The following GRM1 variants were observed in gnomAD, a reference collection of about 807,000 sequenced individuals.
The protein encoded by GRM1 is metabotropic glutamate receptor 1.
Under a neutral mutation model 90.9 loss-of-function variants are expected in GRM1, and 33 were observed. The observed-to-expected ratio is 0.36, with a 90% CI of 0.28 to 0.49. The LOEUF is 0.49. GRM1 is among the 20% of genes least tolerant of loss of function. GRM1 has a pLI of 0.99. For synonymous variants in GRM1, 700 were observed against 613.2 expected (o/e 1.14, Z -2.09); for missense variants, 1,190 against 1,534.3 (o/e 0.78, Z 3.75).
intron 1 of GRM1, among the ~76,000 whole-genome samples, chr6:146,036,544 G>T (rs1324186222): frequency 6.6e-6 from 1 of 151,806 alleles, no homozygotes; most frequent in African/African-American, 2.4e-5. Flanking sequence ...ACTTACATGA[G>T]AAATTATAAT....
intron 3 of GRM1, among the ~76,000 whole-genome samples, chr6:146,339,218 G>A (rs1050776678): frequency 3.3e-5 from 5 of 152,146 alleles, no homozygotes; most frequent in Admixed American, 3.3e-4. Flanking sequence ...TATATCAGGT[G>A]CTGACATTTT....
At chr6:146,042,136 C>G (rs1327519375) in intron 1 of GRM1, among the ~76,000 whole-genome samples, 1 of 152,014 alleles carries the variant, frequency 6.6e-6, no homozygotes, top group Non-Finnish European at 1.5e-5. Flanking sequence ...TCAAAAGTCT[C>G]TATCTTTTAA....
At position 146,397,477 on chromosome 6, in the gene GRM1, AAAAAAAG is replaced by A. The variant is rs1483805619; in HGVS notation, c.1730-1285_1730-1279del. On this transcript the variant is annotated intron_variant, in intron 6 of 7. Coordinates refer to ENST00000282753, the MANE Select transcript of GRM1 (RefSeq NM_001278064.2). ...CAACAGAGTGAGACCCCGTCTCAAA[AAAAAAAG>A]AAAAAAAAAAAAAAAAAAAAAGCAC... is the stretch of plus-strand genomic sequence containing the variant. Among the ~76,000 whole-genome samples the A allele has an allele frequency of 8.7e-4, 123 of 141,826 alleles. 3 individuals are homozygous for A. The highest frequency in any genetic ancestry group is 3.5e-3 in the South Asian group (16 of 4,570). 93.0% of individuals were successfully genotyped at this position (141,826 alleles called of 152,430 possible). A position where few individuals can be genotyped will look rare whatever the true frequency, so the allele number is the denominator to read the frequency against.
At chr6:146,388,935 A>T (rs926130355) in intron 6 of GRM1, among the ~76,000 whole-genome samples, 4 of 152,174 alleles carry the variant, frequency 2.6e-5, no homozygotes, top group Admixed American at 1.3e-4. Context: ...AGCATTCAAG[A>T]TTGTTTGTCA....
chr6:146,270,015 CA>C (rs1238227644), intron 2 of GRM1, among the ~76,000 whole-genome samples: 1 of 150,512 alleles, frequency 6.6e-6, no homozygotes, highest in African/African-American at 2.4e-5. Context: ...AAAATTCAGA[CA>C]CAAAATGATG....
chr6:146,066,715 G>A (rs1332316931), intron 1 of GRM1, among the ~76,000 whole-genome samples: 1 of 151,752 alleles, frequency 6.6e-6, no homozygotes, highest in African/African-American at 2.4e-5. Flanking sequence ...TTAAGCAGAG[G>A]TCTAAATCAC....
intron 3 of GRM1, among the ~76,000 whole-genome samples, chr6:146,329,288 C>A (rs1784506428): frequency 6.6e-6 from 1 of 152,134 alleles, no homozygotes; most frequent in Admixed American, 6.5e-5. Flanking sequence ...TCTCTCACTG[C>A]CTCAAAGCTC....
intron 2 of GRM1, among the ~76,000 whole-genome samples, chr6:146,227,930 A>T (rs1780304070): frequency 6.6e-6 from 1 of 152,180 alleles, no homozygotes; most frequent in South Asian, 2.1e-4. Flanking sequence ...TTATGAGTTC[A>T]TTAGATTTCT....
chr6:146,251,578 G>A (rs1781278453), intron 2 of GRM1, among the ~76,000 whole-genome samples: 1 of 152,202 alleles, frequency 6.6e-6, no homozygotes. Context: ...GCCAAAAGCA[G>A]CAGATGCTGT....
At chr6:146,271,937 T>C (rs1167272705) in intron 2 of GRM1, among the ~76,000 whole-genome samples, 2 of 152,146 alleles carry the variant, frequency 1.3e-5, no homozygotes, top group African/African-American at 4.8e-5. Flanking sequence ...TTTATCAGGG[T>C]ATGTATTCCT....
intron 2 of GRM1, among the ~76,000 whole-genome samples, chr6:146,276,093 A>G (rs1027163182): frequency 2.6e-5 from 4 of 152,206 alleles, no homozygotes; most frequent in Admixed American, 2.6e-4. Context: ...TTGTGAAAAC[A>G]TAGTGCAAGG....
chr6:146,080,262 T>C (rs1776319604), intron 1 of GRM1, among the ~76,000 whole-genome samples: 1 of 152,234 alleles, frequency 6.6e-6, no homozygotes, highest in South Asian at 2.1e-4. Context: ...TTATGTACAC[T>C]AGCCTATGGG....
chr6:146,362,120 T>G (rs1201032580), intron 5 of GRM1, among the ~76,000 whole-genome samples: 1 of 152,206 alleles, frequency 6.6e-6, no homozygotes. Flanking sequence ...AAGTTTGTAT[T>G]TGAATTCTTT....
At chr6:146,419,628 C>G (rs1410026595) in intron 7 of GRM1, among the ~76,000 whole-genome samples, 2 of 152,176 alleles carry the variant, frequency 1.3e-5, no homozygotes, top group African/African-American at 4.8e-5. Flanking sequence ...ACAGGCTTAA[C>G]AGGAATCACG....
At chr6:146,270,849 T>TTTTCTTTCTTTCTTTCTTTCTTTC (rs1164507964) in intron 2 of GRM1, among the ~76,000 whole-genome samples, 25 of 91,754 alleles carry the variant, frequency 2.7e-4, no homozygotes, top group East Asian at 1.1e-3. Flanking sequence ...CTTTCTTTCT[T>TTTTCTTTCTTTCTTTCTTTCTTTC]TTTCTTTCTT....
intron 2 of GRM1, among the ~76,000 whole-genome samples, chr6:146,289,805 ATGCTGG>A (rs758128972): frequency 2.9e-4 from 44 of 152,234 alleles, no homozygotes; most frequent in Non-Finnish European, 1.6e-4. Flanking sequence ...ACAGATTTAT[ATGCTGG>A]TAACAATAGG....
At chr6:146,261,360 TG>T (rs1207547839) in intron 2 of GRM1, among the ~76,000 whole-genome samples, 1 of 152,126 alleles carries the variant, frequency 6.6e-6, no homozygotes, top group Non-Finnish European at 1.5e-5. Context: ...CCTTGGAACC[TG>T]GTCGAGGAGT....
Position 146,159,502 on chromosome 6 carries a change from A to G in GRM1, c.855A>G (p.Arg285=), listed in dbSNP as rs201958146. The part of the protein sequence containing the change: ...RKLRERLPKA[R]VVVCFCEGMT... ...TCCGAGAGAGGCTTCCCAAGGCTAG[A>G]GTGGTGGTCTGCTTCTGTGAAGGCA... The change falls in exon 2 of 8, where the codon AGA becomes AGG. Residue 285 remains arginine, a synonymous_variant. Transcript: ENST00000282753. 2 of 1,614,020 alleles carry G rather than the reference A, an allele frequency of 1.2e-6. No homozygotes were observed. Among genetic ancestry groups the G allele is most frequent in the Non-Finnish European group, 1.7e-6 (2 of 1,180,002 alleles).
intron 5 of GRM1, among the ~76,000 whole-genome samples, chr6:146,380,476 C>A (rs1255660329): frequency 6.6e-6 from 1 of 152,110 alleles, no homozygotes; most frequent in African/African-American, 2.4e-5. Flanking sequence ...TCCCTTAAGG[C>A]CCAAGGTCTC....
Sources: gnomAD v4.1 joint callset for allele counts (sites outside exome capture counted in the v4.1 genomes callset) on GRCh38, gnomAD v4.1.1 for gene constraint, MANE v1.5 for transcripts, NCBI Gene and HGNC (gene_info 2026-07-23, HGNC 2026-07-21) for gene names.